The following DCDC1 variants were observed in gnomAD, a reference collection of about 807,000 sequenced individuals.
The protein encoded by DCDC1 is doublecortin domain-containing protein 1.
Under a neutral mutation model 178.3 loss-of-function variants are expected in DCDC1, and 200 were observed. The ratio of observed to expected loss-of-function variants is 1.12; its 90% CI spans 1.00 to 1.26. The LOEUF (loss-of-function observed/expected upper bound fraction) is 1.26, where lower values mean the gene tolerates loss of function less well. Ranked by LOEUF, DCDC1 falls within the 50% of genes most tolerant of loss-of-function variation. DCDC1 has a pLI of 0.00. For missense variants in DCDC1, 1,983 were observed against 1,749.2 expected (o/e 1.13, Z -2.38); for synonymous variants, 690 against 604.8 (o/e 1.14, Z -2.07).
intron 20 of DCDC1, among the ~76,000 whole-genome samples, chr11:30,991,664 C>A (rs1296938463): frequency 6.6e-6 from 1 of 152,082 alleles, no homozygotes; most frequent in African/African-American, 2.4e-5. Context: ...CCTAATTTCT[C>A]TTGTCTTCTC....
At chr11:31,223,321 T>G (rs1974507004) in intron 9 of DCDC1, among the ~76,000 whole-genome samples, 1 of 152,104 alleles carries the variant, frequency 6.6e-6, no homozygotes, top group African/African-American at 2.4e-5. Context: ...TCACAAAGGG[T>G]ATGTATGTAT....
intron 20 of DCDC1, among the ~76,000 whole-genome samples, chr11:30,958,804 A>G (rs1018846208): frequency 1.3e-5 from 2 of 152,092 alleles, no homozygotes; most frequent in East Asian, 1.9e-4. Context: ...AGTGGATGCA[A>G]TAAGTCTTCC....
intron 20 of DCDC1, among the ~76,000 whole-genome samples, chr11:31,008,790 C>A (rs1228836274): frequency 6.6e-6 from 1 of 152,118 alleles, no homozygotes; most frequent in Non-Finnish European, 1.5e-5. Context: ...ACTGATTCTA[C>A]ATGTTTTAAA....
intron 2 of DCDC1, among the ~76,000 whole-genome samples, chr11:31,332,530 C>G (rs1479435423): frequency 6.6e-6 from 1 of 152,146 alleles, no homozygotes; most frequent in African/African-American, 2.4e-5. Context: ...CTATAAATTT[C>G]CCTCTACCCA....
intron 9 of DCDC1, among the ~76,000 whole-genome samples, chr11:31,160,420 TCAG>T (rs1288434187): frequency 6.6e-6 from 1 of 152,220 alleles, no homozygotes; most frequent in African/African-American, 2.4e-5. Context: ...GTTACATGCT[TCAG>T]CAGTTGACAC....
intron 21 of DCDC1, among the ~76,000 whole-genome samples, chr11:30,935,439 G>A (rs548975513): frequency 1.3e-5 from 2 of 152,168 alleles, no homozygotes; most frequent in Non-Finnish European, 2.9e-5. Flanking sequence ...TAACCTGATT[G>A]GGTAGGGAGT....
At chr11:31,152,285 C>T (rs962616208) in intron 9 of DCDC1, among the ~76,000 whole-genome samples, 4 of 152,094 alleles carry the variant, frequency 2.6e-5, no homozygotes, top group Non-Finnish European at 5.9e-5. Flanking sequence ...TTTTTGCCTC[C>T]ATTCCATTGG....
chr11:30,977,786 C>G (rs1950180793), intron 20 of DCDC1, among the ~76,000 whole-genome samples: 1 of 152,004 alleles, frequency 6.6e-6, no homozygotes, highest in Admixed American at 6.6e-5. Context: ...CAAAAACCAG[C>G]CGGGCATTGT....
chr11:31,213,939 T>C (rs2136587573), intron 9 of DCDC1, among the ~76,000 whole-genome samples: 1 of 152,238 alleles, frequency 6.6e-6, no homozygotes, highest in East Asian at 1.9e-4. Context: ...CATATATATA[T>C]GAATATGCCT....
At chr11:31,151,801 A>G (rs2136101804) in intron 9 of DCDC1, among the ~76,000 whole-genome samples, 1 of 152,352 alleles carries the variant, frequency 6.6e-6, no homozygotes, top group South Asian at 2.1e-4. Context: ...CATCTTAAGC[A>G]GACCTATAAC....
At chr11:31,344,109 T>C (rs1478061070) in intron 1 of DCDC1, among the ~76,000 whole-genome samples, 2 of 152,052 alleles carry the variant, frequency 1.3e-5, no homozygotes, top group African/African-American at 4.8e-5. Context: ...ATATGCAAAA[T>C]ACAAGACTGT....
intron 21 of DCDC1, among the ~76,000 whole-genome samples, chr11:30,944,518 A>G (rs1432894200): frequency 1.3e-5 from 2 of 152,152 alleles, no homozygotes; most frequent in Admixed American, 1.3e-4. Flanking sequence ...TATGAATTGC[A>G]TTTAACTGTT....
chr11:31,078,378 T>G (rs1956988105), intron 17 of DCDC1, among the ~76,000 whole-genome samples: 1 of 152,236 alleles, frequency 6.6e-6, no homozygotes, highest in Non-Finnish European at 1.5e-5. Context: ...CAGGGAATAT[T>G]GTATTTTCTC....
chr11:31,245,858 A>G (rs1360223103), intron 8 of DCDC1, among the ~76,000 whole-genome samples: 1 of 151,988 alleles, frequency 6.6e-6, no homozygotes, highest in East Asian at 1.9e-4. Flanking sequence ...TAAACTGTTC[A>G]GGCTTCAAGA....
intron 37 of DCDC1, among the ~76,000 whole-genome samples, chr11:30,879,155 T>C (rs1277473697): frequency 1.3e-5 from 2 of 152,204 alleles, no homozygotes; most frequent in East Asian, 1.9e-4. Context: ...GAAGTGATTC[T>C]TTGATGAATT....
intron 3 of DCDC1, among the ~76,000 whole-genome samples, chr11:31,323,194 A>C (rs983650261): frequency 6.6e-6 from 1 of 152,152 alleles, no homozygotes; most frequent in African/African-American, 2.4e-5. Context: ...CATGTGGCTA[A>C]TAATTCTATT....
chr11:30,917,447 C>T (rs1316282975), intron 25 of DCDC1, among the ~76,000 whole-genome samples: 1 of 152,160 alleles, frequency 6.6e-6, no homozygotes, highest in African/African-American at 2.4e-5. Context: ...GTAAAGTTTA[C>T]TCATTAGACA....
intron 3 of DCDC1, among the ~76,000 whole-genome samples, chr11:31,327,498 T>G (rs989126201): frequency 5.3e-5 from 8 of 152,212 alleles, no homozygotes; most frequent in African/African-American, 1.7e-4. Context: ...ACAAAATTGA[T>G]ATAATGCAGG....
intron 2 of DCDC1, among the ~76,000 whole-genome samples, chr11:31,332,178 T>C (rs1950027339): frequency 1.3e-5 from 2 of 152,220 alleles, no homozygotes; most frequent in Non-Finnish European, 2.9e-5. Flanking sequence ...GAGATGTTTA[T>C]AGTATTCTCT....
Sources: gnomAD v4.1 joint callset for allele counts (sites outside exome capture counted in the v4.1 genomes callset) on GRCh38, gnomAD v4.1.1 for gene constraint, MANE v1.5 for transcripts, NCBI Gene and HGNC (gene_info 2026-07-23, HGNC 2026-07-21) for gene names.